The following F2 variants were observed in gnomAD, a reference collection of about 807,000 sequenced individuals.
F2 encodes the protein prothrombin.
Under a neutral mutation model 81.9 loss-of-function variants are expected in F2, and 34 were observed. The ratio of observed to expected loss-of-function variants is 0.42; its 90% CI spans 0.32 to 0.55. The LOEUF (loss-of-function observed/expected upper bound fraction) is 0.55, where lower values mean the gene tolerates loss of function less well. Among genes scored for constraint, F2 ranks in the 20% least tolerant of loss-of-function variants. F2 has a pLI of 0.18. For missense variants in F2, 630 were observed against 833.4 expected (o/e 0.76, Z 3.00); for synonymous variants, 296 against 326.4 (o/e 0.91, Z 1.01).
intron 11 of F2, among the ~76,000 whole-genome samples, 179 bp from the exon 12 acceptor site, chr11:46,729,201 A>T (rs2064894977): frequency 6.6e-6 from 1 of 152,080 alleles, no homozygotes; most frequent in East Asian, 1.9e-4. Context: ...GTTGGTCTCG[A>T]ACCCCTGACC....
chr11:46,723,647 T>C lies in F2; in HGVS notation c.559+129T>C. On this transcript the variant is annotated intron_variant, in intron 6 of 13. Coordinates refer to ENST00000311907, the MANE Select transcript of F2 (RefSeq NM_000506.5). This position sits in a 1 kb window ranked among gnomAD's most constrained non-coding sequence, Gnocchi z 5.6. ...GGCTCATGCCCGTAATCCCAGCACT[T>C]TGGGAGGCTGAGGCAGGCAGATCAC... The C allele has an allele frequency of 1.6e-6, 2 of 1,239,394 alleles. No homozygotes were observed. Among genetic ancestry groups the C allele is most frequent in the Non-Finnish European group, 1.1e-6 (1 of 891,628 alleles). The allele number at this position is 1,239,394 out of a possible 1,614,324, so 76.8% of individuals were successfully genotyped here. A position where few individuals can be genotyped will look rare whatever the true frequency, so the allele number is the denominator to read the frequency against.
chr11:46,725,762 A>C, intron 6 of F2, 97 bp from the exon 7 acceptor site: 1 of 1,388,738 alleles, frequency 7.2e-7, no homozygotes, highest in Non-Finnish European at 1.0e-6. Context: ...GAGGTCACAC[A>C]GGCAGAAAGC....
At chr11:46,739,240 T>C in intron 13 of F2, 25 bp from the exon 14 acceptor site, 1 of 1,613,718 alleles carries the variant, frequency 6.2e-7, no homozygotes, top group Non-Finnish European at 8.5e-7. Context: ...TTGACTCTAT[T>C]GGAAACCTCA....
At chr11:46,721,744 G>T (rs2064837708) in intron 4 of F2, among the ~76,000 whole-genome samples, 1 of 152,072 alleles carries the variant, frequency 6.6e-6, no homozygotes, top group Non-Finnish European at 1.5e-5. Context: ...TGCCCAGGCT[G>T]ATCTTGAACT....
Position 46,725,847 on chromosome 11 carries a change from C to G in F2, c.560-12C>G. The stretch of plus-strand genomic sequence containing the variant: ...CACTCACTCTGCTGCCTCCTTGCCC[C>G]TCACCCACCAGGCCAGGATCAAGTC... On this transcript the variant is annotated splice_polypyrimidine_tract_variant and intron_variant, in intron 6 of 13. Transcript: ENST00000311907. The G allele has an allele frequency of 6.2e-7, 1 of 1,611,912 alleles. No individual in the cohort carries two copies. The highest frequency in any genetic ancestry group is 8.5e-7 in the Non-Finnish European group (1 of 1,179,616).
chr11:46,736,634 G>A (rs1438551443), intron 12 of F2, among the ~76,000 whole-genome samples: 1 of 152,188 alleles, frequency 6.6e-6, no homozygotes, highest in Admixed American at 6.5e-5. Flanking sequence ...GTATGCTTAA[G>A]GATGAGTATG....
chr11:46,733,035 C>T (rs1177816611), intron 12 of F2, among the ~76,000 whole-genome samples: 1 of 152,100 alleles, frequency 6.6e-6, no homozygotes, highest in African/African-American at 2.4e-5. Context: ...ATGCATATAC[C>T]AATATCTCTA....
chr11:46,720,637 C>T lies in F2; in HGVS notation c.265+90C>T, dbSNP rs980697463. ...CCAGAGAATCTTCTGCTGCACCTAG[C>T]CATCCACCCATCCACCCCTTCCCCA... On this transcript the variant is annotated intron_variant, in intron 3 of 13. Transcript: ENST00000311907. The T allele has an allele frequency of 6.7e-6, 10 of 1,494,050 alleles. No individual in the cohort carries two copies. In the African/African-American group the frequency reaches 1.2e-4, roughly 19 times the overall value. 92.5% of individuals were successfully genotyped at this position (1,494,050 alleles called of 1,614,324 possible).
intron 12 of F2, among the ~76,000 whole-genome samples, chr11:46,731,292 C>T (rs1458148110): frequency 6.7e-6 from 1 of 148,770 alleles, no homozygotes; most frequent in Non-Finnish European, 1.5e-5. Flanking sequence ...GTGGCATGGT[C>T]TCGGCTTACT....
chr11:46,730,437 T>G (rs1400008176), intron 12 of F2, among the ~76,000 whole-genome samples: 1 of 148,504 alleles, frequency 6.7e-6, no homozygotes, highest in Non-Finnish European at 1.5e-5. Flanking sequence ...CACCGCAGGC[T>G]GGGGGCATGG....
In F2 at chr11:46,726,436, G is replaced by GA. The variant is rs2134532483; in HGVS notation, c.875-61dup. 3 of 1,582,696 alleles carry GA rather than the reference G, an allele frequency of 1.9e-6. No individual in the cohort carries two copies. The highest frequency in any genetic ancestry group is 2.3e-5 in the East Asian group (1 of 43,236). Reference sequence around the variant, plus strand: ...CCAAGGCCCGTAGGGGAATTGGGGGGATCTAGGGGATGGGTGAGGAATGGC... The same window carrying GA: ...CCAAGGCCCGTAGGGGAATTGGGGGGAATCTAGGGGATGGGTGAGGAATGGC... On this transcript the variant is annotated intron_variant, in intron 7 of 13. Transcript: ENST00000311907. This position sits in a 1 kb window ranked among gnomAD's most constrained non-coding sequence, Gnocchi z 5.9.
chr11:46,726,143 G>T lies in F2; in HGVS notation c.844G>T (p.Asp282Tyr). Residue 282 changes from aspartate to tyrosine, a missense_variant, in exon 7 of 14, where the codon GAC becomes TAC. Physicochemically the swap from Asp to Tyr is radical, Grantham distance 160. Transcript: ENST00000311907. The surrounding 1 kb of genome is among the most constrained non-coding windows in gnomAD (Gnocchi z 5.9). ...GTGCTATGTGGCCGGGAAGCCTGGCGACTTTGGGTACTGCGACCTCAACTA... is the reference window on the plus strand; with the variant it reads ...GTGCTATGTGGCCGGGAAGCCTGGCTACTTTGGGTACTGCGACCTCAACTA... ...VWCYVAGKPG[D>Y]FGYCDLNYCE... The T allele has an allele frequency of 6.2e-7, 1 of 1,614,038 alleles. No homozygotes were observed.
chr11:46,731,948 C>T (rs1255645439), intron 12 of F2, among the ~76,000 whole-genome samples: 3 of 145,766 alleles, frequency 2.1e-5, no homozygotes, highest in Non-Finnish European at 4.5e-5. Context: ...ATGGAGTCTC[C>T]CTCTATCACC....
intron 6 of F2, among the ~76,000 whole-genome samples, chr11:46,724,622 C>T (rs1039064175): frequency 6.6e-6 from 1 of 152,154 alleles, no homozygotes; most frequent in African/African-American, 2.4e-5. Flanking sequence ...AGGTAAACTA[C>T]ACCTCAGCCT....
intron 12 of F2, among the ~76,000 whole-genome samples, chr11:46,738,571 G>A (rs1325837509): frequency 6.6e-6 from 1 of 151,986 alleles, no homozygotes; most frequent in African/African-American, 2.4e-5. Context: ...CCTCCCAGGC[G>A]CAAGTGATCC....
intron 12 of F2, among the ~76,000 whole-genome samples, chr11:46,738,317 G>A (rs1035745338): frequency 2.0e-5 from 3 of 152,066 alleles, no homozygotes; most frequent in Non-Finnish European, 4.4e-5. Context: ...GTTTTTTTGT[G>A]TAGGTTTTAC....
chr11:46,722,089 C>T (rs1318351806), intron 4 of F2, among the ~76,000 whole-genome samples: 2 of 152,080 alleles, frequency 1.3e-5, no homozygotes, highest in African/African-American at 4.8e-5. Context: ...AGGTGATCCA[C>T]CAGCCTCAGC....
intron 12 of F2, among the ~76,000 whole-genome samples, chr11:46,737,134 T>A (rs935998366): frequency 3.3e-5 from 5 of 152,100 alleles, no homozygotes; most frequent in African/African-American, 1.2e-4. Context: ...TATGAAATTA[T>A]TAGGCCTATT....
rs753115528 is a variant in F2 at position 46,729,389 on chromosome 11, G to A, written c.1482G>A (p.Gln494=). Residue 494 remains glutamine, a synonymous_variant, in exon 12 of 14, where the codon CAG becomes CAA. Transcript: ENST00000311907. The stretch of plus-strand genomic sequence containing the variant: ...TCTTCCTTCCCCAAAGCTTGCTCCA[G>A]GCTGGATACAAGGGGCGGGTGACAG... ...PDRETAASLL[Q]AGYKGRVTGW... is the part of the protein sequence containing the mutation. The A allele has an allele frequency of 7.4e-6, 12 of 1,613,934 alleles. No individual in the cohort carries two copies. The highest frequency in any genetic ancestry group is 1.0e-5 in the Non-Finnish European group (12 of 1,179,974).
Sources: gnomAD v4.1 joint callset for allele counts (sites outside exome capture counted in the v4.1 genomes callset) on GRCh38, gnomAD v4.1.1 for gene constraint, Gnocchi (gnomAD v3.1) non-coding constraint, MANE v1.5 for transcripts, NCBI Gene and HGNC (gene_info 2026-07-23, HGNC 2026-07-21) for gene names.